ALG2: variants seen among roughly 807,000 people sequenced by gnomAD.
ALG2 encodes the protein ALG2 alpha-1,3/1,6-mannosyltransferase.
ALG2 carries 32 observed loss-of-function variants against 30.5 expected under a neutral mutation model. That is an observed-to-expected ratio of 1.05 (90% CI 0.79 to 1.41). The LOEUF (loss-of-function observed/expected upper bound fraction) is 1.41. Ranked by LOEUF, ALG2 falls within the 40% of genes most tolerant of loss-of-function variation. The probability of loss-of-function intolerance (pLI) is 0.00; values close to 1 mark genes in which losing one functional copy is unlikely to be tolerated. For missense variants in ALG2, 574 were observed against 526.4 expected (o/e 1.09, Z -0.88); for synonymous variants, 253 against 224.8 (o/e 1.13, Z -1.12).
Position 99,218,139 on chromosome 9 carries a change from G to A in ALG2, c.1046C>T (p.Pro349Leu). 11 of 1,611,402 alleles carry A rather than the reference G, an allele frequency of 6.8e-6. No individual in the cohort carries two copies. Among genetic ancestry groups the A allele is most frequent in the Non-Finnish European group, 9.3e-6 (11 of 1,177,944 alleles). Reference sequence around the variant, plus strand: ...GACACTGTGGTCAATGGACTCCAAGGGTCCACCCGAATTAACAGCAATGAC... The same window carrying A: ...GACACTGTGGTCAATGGACTCCAAGAGTCCACCCGAATTAACAGCAATGAC... The part of the protein sequence containing the change: ...CPVIAVNSGG[P>L]LESIDHSVTG... The change falls in exon 2 of 2, where the codon CCC (proline) becomes CTC (leucine). Residue 349 changes from proline (P) to leucine (L), a missense_variant. Transcript: ENST00000476832.
Position 99,221,931 on chromosome 9 carries a change from G to A in ALG2, c.-37C>T. The stretch of plus-strand genomic sequence containing the variant: ...CGCAACTGCACCCCGCACCCTGATG[G>A]GGGTCTTCTGCGCAAGCTCCGCGCT... On this transcript the variant is annotated 5_prime_UTR_variant, in exon 1 of 2. Coordinates refer to ENST00000476832, the MANE Select transcript of ALG2 (RefSeq NM_033087.4). 1 of 1,543,088 alleles carries A rather than the reference G, an allele frequency of 6.5e-7. No homozygotes were observed. The highest frequency in any genetic ancestry group is 8.7e-7 in the Non-Finnish European group (1 of 1,148,704).
At position 99,218,509 on chromosome 9, in the gene ALG2, A is replaced by T. The variant is rs1828737709; in HGVS notation, c.676T>A (p.Phe226Ile). The T allele has an allele frequency of 6.2e-7, 1 of 1,614,154 alleles. No homozygotes were observed. Among genetic ancestry groups the T allele is most frequent in the South Asian group, 1.1e-5 (1 of 91,082 alleles). ...TATCTGTTGATGGAGAGCAGCAGGA[A>T]TTTTTTCCCCTTGGGGACTAGGTCA... ...LDDLVPKGKK[F>I]LLLSINRYER... Residue 226 changes from phenylalanine (F) to isoleucine (I), a missense_variant, in exon 2 of 2, where the codon TTC becomes ATC. Phe to Ile is a conservative substitution (Grantham distance 21, BLOSUM62 0). Transcript: ENST00000476832.
chr9:99,217,890 A>C lies in ALG2; in HGVS notation c.*44T>G. On this transcript the variant is annotated 3_prime_UTR_variant, in exon 2 of 2. Transcript: ENST00000476832. ...TTTTTGGTTTCAAAACTGGGTCTAC[A>C]ATCCATAAAAATGACATTAATGGAG... The C allele has an allele frequency of 6.2e-7, 1 of 1,600,594 alleles. No individual in the cohort carries two copies. The highest frequency in any genetic ancestry group is 8.6e-7 in the Non-Finnish European group (1 of 1,167,752).
Position 99,218,621 on chromosome 9 carries a change from G to A in ALG2, c.564C>T (p.Phe188=). The A allele has an allele frequency of 6.2e-7, 1 of 1,614,224 alleles. No homozygotes were observed. The highest frequency in any genetic ancestry group is 8.5e-7 in the Non-Finnish European group (1 of 1,180,036). Residue 188 remains phenylalanine (F), a synonymous_variant, in exon 2 of 2, where the codon TTC becomes TTT. Coordinates refer to ENST00000476832, the MANE Select transcript of ALG2 (RefSeq NM_033087.4). ...CAGGGTCTATGTGAGACAGGGACTT[G>A]AATGTTTCCTTAAAAACAGCAGCTG... ...QFTAAVFKET[F]KSLSHIDPDV... is the part of the protein sequence containing the mutation.
Position 99,221,710 on chromosome 9 carries a change from T to C in ALG2, c.185A>G (p.Glu62Gly), listed in dbSNP as rs752153404. 1.1e-5 allele frequency: 17 copies of C among 1,594,746 alleles called. No homozygotes were observed. In the Admixed American group the frequency reaches 2.2e-4, roughly 20 times the overall value. ...ACAGCGCACCGGTAGCTCGCGGCTC[T>C]CGGCGAAACAGTGGCCCGGGTCGTA... ...AHYDPGHCFA[E>G]SRELPVRCAG... Residue 62 changes from glutamate to glycine, a missense_variant, in exon 1 of 2, where the codon GAG (glutamate) becomes GGG (glycine). Coordinates refer to ENST00000476832, the MANE Select transcript of ALG2 (RefSeq NM_033087.4).
rs757885692 is a variant in ALG2 at position 99,217,435 on chromosome 9, G to A, written c.*499C>T. On this transcript the variant is annotated 3_prime_UTR_variant, in exon 2 of 2. Transcript: ENST00000476832. ...CAAATTATCTTAAAAAAAATACAGA[G>A]CACTCTCGCTATGGATCCAGGCAAA... 35 of 454,174 alleles carry A rather than the reference G, an allele frequency of 7.7e-5. No homozygotes were observed. The highest frequency in any genetic ancestry group is 5.0e-4 in the South Asian group (32 of 64,478). 28.1% of individuals were successfully genotyped at this position (454,174 alleles called of 1,614,324 possible).
chr9:99,219,211 T>A (rs561627803), intron 1 of ALG2, among the ~76,000 whole-genome samples: 1 of 152,374 alleles, frequency 6.6e-6, no homozygotes, highest in South Asian at 2.1e-4. Context: ...ATACTTTATA[T>A]ATACATATAT....
At chr9:99,221,216 G>C (rs1211912576) in intron 1 of ALG2, 1 of 1,305,016 alleles carries the variant, frequency 7.7e-7, no homozygotes, top group Non-Finnish European at 1.0e-6. Context: ...GGTGACTGAA[G>C]CTGACTTCTA....
Position 99,221,640 on chromosome 9 carries a change from G to A in ALG2, c.255C>T (p.Gly85=), listed in dbSNP as rs562977386. Residue 85 remains glycine (G), a synonymous_variant, in exon 1 of 2, where the codon GGC becomes GGT. Transcript: ENST00000476832. ...LPRGLGWGGR[G]AAVCAYVRMV... ...TGCGCACGTAGGCGCAGACGGCGGC[G>A]CCGCGGCCGCCCCAGCCCAGGCCTC... The A allele has an allele frequency of 1.2e-5, 19 of 1,539,308 alleles. No individual in the cohort carries two copies. Among genetic ancestry groups the A allele is most frequent in the African/African-American group, 5.5e-5 (4 of 72,852 alleles).
In ALG2 at chr9:99,221,714, C is replaced by A; in HGVS notation, c.181G>T (p.Ala61Ser). Residue 61 changes from alanine to serine, a missense_variant, in exon 1 of 2, where the codon GCC becomes TCC. Transcript: ENST00000476832. ...CGCACCGGTAGCTCGCGGCTCTCGG[C>A]GAAACAGTGGCCCGGGTCGTAGTGC... ...TAHYDPGHCFAESRELPVRCA... is the reference protein window; with the variant it reads ...TAHYDPGHCFSESRELPVRCA... The A allele has an allele frequency of 1.3e-6, 2 of 1,596,402 alleles. No homozygotes were observed. Among genetic ancestry groups the A allele is most frequent in the Non-Finnish European group, 1.7e-6 (2 of 1,178,306 alleles).
Position 99,216,680 on chromosome 9 carries a change from C to T in ALG2, c.*1254G>A, listed in dbSNP as rs1206672198. On this transcript the variant is annotated 3_prime_UTR_variant, in exon 2 of 2. Transcript: ENST00000476832. ...AAAATACTAATAGCTAATATATATA[C>T]TATATGCCAAGTATTAAGTACTTTG... 2.2e-6 allele frequency: 1 copy of T among 451,812 alleles called. No homozygotes were observed. Among genetic ancestry groups the T allele is most frequent in the Non-Finnish European group, 4.4e-6 (1 of 225,566 alleles). The allele number at this position is 451,812 out of a possible 1,614,324, so 28.0% of individuals were successfully genotyped here.
chr9:99,218,726 T>A lies in ALG2; in HGVS notation c.459A>T (p.Arg153=). The change falls in exon 2 of 2, where the codon CGA becomes CGT. Residue 153 remains arginine, a synonymous_variant. Transcript: ENST00000476832. ...TCCAGTCAATTGGGGCCCTGTATAG[T>A]CGTTTAAGAAAAGAATCTCTCTTGG... The part of the protein sequence containing the change: ...LLTKRDSFLK[R]LYRAPIDWIE... The A allele has an allele frequency of 4.3e-6, 7 of 1,614,136 alleles. No individual in the cohort carries two copies. Among genetic ancestry groups the A allele is most frequent in the Non-Finnish European group, 5.9e-6 (7 of 1,180,010 alleles).
intron 1 of ALG2, chr9:99,220,946 G>C (rs562857183): frequency 2.3e-5 from 31 of 1,346,198 alleles, no homozygotes; most frequent in African/African-American, 1.9e-4. Context: ...GTCAAGAATA[G>C]CTACAGGGCA....
In ALG2 at chr9:99,217,563, TTAA is replaced by T; in HGVS notation, c.*368_*370del. The T allele has an allele frequency of 2.2e-6, 1 of 459,262 alleles. No individual in the cohort carries two copies. 28.4% of individuals were successfully genotyped at this position (459,262 alleles called of 1,614,324 possible). ...GCTCTCATTATACTATGAAGCCAAA[TTAA>T]TCAACTTTGATAATGATACACACTT... On this transcript the variant is annotated 3_prime_UTR_variant, in exon 2 of 2. Transcript: ENST00000476832.
rs372356780 is a variant in ALG2, at chr9:99,217,955, A to T, written c.1230T>A (p.Tyr410Ter). Residue 410 changes from tyrosine to a stop codon, truncating the protein, a stop_gained, in exon 2 of 2, where the codon TAT becomes TAA. Transcript: ENST00000476832. LOFTEE classifies it high-confidence loss of function. ...CTGATTATACCAGCAGTTTGGTAAC[A>T]TATCGGTAGAGCTGTTCTGTAAATG... ...PEAFTEQLYR[Y>*]VTKLLV The T allele has an allele frequency of 1.2e-6, 2 of 1,614,226 alleles. No homozygotes were observed. Among genetic ancestry groups the T allele is most frequent in the Admixed American group, 3.3e-5 (2 of 60,034 alleles).
rs2118996446 is a variant in ALG2 at position 99,217,609 on chromosome 9, T to TAAGGC, written c.*320_*324dup. ...ACACACTTAAACTATGAAAACCAAT[T>TAAGGC]AAGGCACAGTATCATTCAAAATTTA... On this transcript the variant is annotated 3_prime_UTR_variant, in exon 2 of 2. Coordinates refer to ENST00000476832, the MANE Select transcript of ALG2 (RefSeq NM_033087.4). 1 of 479,540 alleles carries TAAGGC rather than the reference T, an allele frequency of 2.1e-6. No homozygotes were observed. Among genetic ancestry groups the TAAGGC allele is most frequent in the South Asian group, 1.5e-5 (1 of 64,698 alleles). 29.7% of individuals were successfully genotyped at this position (479,540 alleles called of 1,614,324 possible). A position where few individuals can be genotyped will look rare whatever the true frequency, so the allele number is the denominator to read the frequency against.
chr9:99,219,395 T>A (rs1828754172), intron 1 of ALG2, among the ~76,000 whole-genome samples: 1 of 152,238 alleles, frequency 6.6e-6, no homozygotes, highest in South Asian at 2.1e-4. Flanking sequence ...TATAGTAGTT[T>A]AGAGCACAAG....
intron 1 of ALG2, among the ~76,000 whole-genome samples, chr9:99,219,898 T>C (rs1828761689): frequency 6.6e-6 from 1 of 152,228 alleles, no homozygotes; most frequent in African/African-American, 2.4e-5. Flanking sequence ...AATGTCCACG[T>C]TACTTAAAAA....
In ALG2 at chr9:99,216,796, A is replaced by G. The variant is rs956177731; in HGVS notation, c.*1138T>C. 4.8e-5 allele frequency: 22 copies of G among 454,044 alleles called. No individual in the cohort carries two copies. Among genetic ancestry groups the G allele is most frequent in the African/African-American group, 4.4e-4 (22 of 50,020 alleles). The allele number at this position is 454,044 out of a possible 1,614,324, so 28.1% of individuals were successfully genotyped here. A position where few individuals can be genotyped will look rare whatever the true frequency, so the allele number is the denominator to read the frequency against. On this transcript the variant is annotated 3_prime_UTR_variant, in exon 2 of 2. Transcript: ENST00000476832. ...TGCAGATGAAGAAGCTGAGGTATAG[A>G]GATCAATTTACACAAAATCATATAG...
Sources: gnomAD v4.1 joint callset for allele counts (sites outside exome capture counted in the v4.1 genomes callset) on GRCh38, gnomAD v4.1.1 for gene constraint, MANE v1.5 for transcripts, NCBI Gene and HGNC (gene_info 2026-07-23, HGNC 2026-07-21) for gene names.